The following ASPHD2 variants were observed in gnomAD, a reference collection of about 807,000 sequenced individuals.
ASPHD2 encodes aspartate beta-hydroxylase domain containing 2, also known as aspartate beta-hydroxylase domain-containing protein 2.
A neutral mutation model predicts 34.6 loss-of-function variants in ASPHD2; 12 were observed. The observed-to-expected ratio is 0.35, with a 90% CI of 0.22 to 0.56. ASPHD2 has a LOEUF of 0.56. ASPHD2 is among the 20% of genes least tolerant of loss of function. ASPHD2 has a pLI of 0.87. For synonymous variants in ASPHD2, 224 were observed against 212.2 expected, an observed-to-expected ratio of 1.06 and a Z score of -0.48; for missense variants, 375 against 505.0, an observed-to-expected ratio of 0.74 and a Z score of 2.47.
At position 26,438,488 on chromosome 22, in the gene ASPHD2, T is replaced by TACAC. The variant is rs1568983855; in HGVS notation, c.887-3970_887-3969insCACA. ...ACACACACATATATATACATATATA[T>TACAC]AGATACACACATACATATATATACA... On this transcript the variant is annotated intron_variant, in intron 2 of 3. Coordinates refer to ENST00000215906, the MANE Select transcript of ASPHD2 (RefSeq NM_020437.5). 1.9e-4 allele frequency among the ~76,000 whole-genome samples: 9 copies of TACAC among 46,590 alleles called. 1 individual carries two copies. Among genetic ancestry groups the TACAC allele is most frequent in the Middle Eastern group, 0.024 (2 of 82 alleles). 30.6% of individuals were successfully genotyped at this position (46,590 alleles called of 152,430 possible).
intron 3 of ASPHD2, among the ~76,000 whole-genome samples, chr22:26,442,846 A>G (rs1328267069): frequency 6.6e-6 from 1 of 152,164 alleles, no homozygotes; most frequent in Non-Finnish European, 1.5e-5. Flanking sequence ...CATACAGAAT[A>G]GTTTCACTGC....
Position 26,434,318 on chromosome 22 carries a change from A to G in ASPHD2, c.703A>G (p.Asn235Asp). 2.5e-6 allele frequency: 4 copies of G among 1,614,148 alleles called. No individual in the cohort carries two copies. The highest frequency in any genetic ancestry group is 3.4e-6 in the Non-Finnish European group (4 of 1,180,016). ...GGAGTGGTTCACCTTTTACTTGGTC[A>G]ATCAGGGGGTTTGTGTTCCCAGGAA... is the stretch of plus-strand genomic sequence containing the variant. ...SGEWFTFYLV[N>D]QGVCVPRNCR... Residue 235 changes from asparagine (N) to aspartate (D), a missense_variant, in exon 2 of 4, where the codon AAT becomes GAT. This residue lies in a region of ASPHD2 where 142 missense variants were observed against 217.9 expected (regional missense o/e 0.65). Transcript: ENST00000215906.
intron 3 of ASPHD2, 60 bp downstream of exon 3, chr22:26,442,632 G>C: frequency 7.2e-7 from 1 of 1,381,032 alleles, no homozygotes; most frequent in African/African-American, 1.5e-5. Flanking sequence ...TTTTTTTAGA[G>C]AAGTTTTAGG....
At chr22:26,435,004 G>T (rs2084781914) in intron 2 of ASPHD2, among the ~76,000 whole-genome samples, 1 of 152,214 alleles carries the variant, frequency 6.6e-6, no homozygotes, top group African/African-American at 2.4e-5. Context: ...CATCAAGGAT[G>T]AAATGATCCT....
Position 26,442,562 on chromosome 22 carries a change from G to C in ASPHD2, c.990G>C (p.Ala330=). ...LLFDDSFLHA[A]FHEGSAEDGP... is the part of the protein sequence containing the mutation. ...TTGATGACTCTTTCCTGCATGCTGC[G>C]TTCCATGAAGGTGAGTGGCTGCCTT... The change falls in exon 3 of 4, where the codon GCG becomes GCC. Residue 330 remains alanine, a synonymous_variant. Coordinates refer to ENST00000215906, the MANE Select transcript of ASPHD2 (RefSeq NM_020437.5). 1 of 1,604,572 alleles carries C rather than the reference G, an allele frequency of 6.2e-7. No homozygotes were observed. The highest frequency in any genetic ancestry group is 8.5e-7 in the Non-Finnish European group (1 of 1,174,186).
At chr22:26,443,061 T>C (rs2084865364) in intron 3 of ASPHD2, 36 bp from the exon 4 acceptor site, 1 of 1,538,200 alleles carries the variant, frequency 6.5e-7, no homozygotes, top group Non-Finnish European at 9.0e-7. Flanking sequence ...TCCAGGGTGG[T>C]TTGAACCTGT....
intron 2 of ASPHD2, among the ~76,000 whole-genome samples, chr22:26,438,576 T>C (rs1326993343): frequency 0.01 from 1,020 of 100,780 alleles, 21 homozygotes; most frequent in African/African-American, 0.033. Flanking sequence ...CACATACATA[T>C]ATATACATAC....
intron 3 of ASPHD2, among the ~76,000 whole-genome samples, 164 bp from the exon 4 acceptor site, chr22:26,442,933 A>T (rs1288658406): frequency 6.6e-6 from 1 of 152,004 alleles, no homozygotes; most frequent in Non-Finnish European, 1.5e-5. Context: ...CCATGAAGCC[A>T]GGTTTATGCT....
At position 26,443,258 on chromosome 22, in the gene ASPHD2, A is replaced by G. The variant is rs754040749; in HGVS notation, c.*52A>G. 18 of 1,480,738 alleles carry G rather than the reference A, an allele frequency of 1.2e-5. No homozygotes were observed. The highest frequency in any genetic ancestry group is 1.7e-5 in the Non-Finnish European group (18 of 1,058,944). 91.7% of individuals were successfully genotyped at this position (1,480,738 alleles called of 1,614,324 possible). ...AGAAGGGCCGAGGCGGGGCCTGGGC[A>G]GACTGTGGTCCGGTCCAGTCCCTAC... On this transcript the variant is annotated 3_prime_UTR_variant, in exon 4 of 4. Transcript: ENST00000215906.
intron 2 of ASPHD2, among the ~76,000 whole-genome samples, chr22:26,438,843 C>A (rs549730249): frequency 6.6e-6 from 1 of 151,930 alleles, no homozygotes; most frequent in African/African-American, 2.4e-5. Context: ...CAGGAAGCTT[C>A]GAGCACTGGA....
intron 2 of ASPHD2, among the ~76,000 whole-genome samples, chr22:26,436,572 G>C (rs903392517): frequency 6.6e-6 from 1 of 152,204 alleles, no homozygotes; most frequent in African/African-American, 2.4e-5. Flanking sequence ...GGCTGAGGTT[G>C]GACAGGTCAG....
At chr22:26,438,126 A>G (rs1030451717) in intron 2 of ASPHD2, among the ~76,000 whole-genome samples, 8 of 152,004 alleles carry the variant, frequency 5.3e-5, no homozygotes, top group African/African-American at 1.9e-4. Flanking sequence ...GAGAAAGGGG[A>G]GCTTCTTTCT....
rs13055485 is a variant in ASPHD2 at position 26,442,326 on chromosome 22, G to C, written c.887-133G>C. ...CCCACAAGCCTTCAGACCATAGCAC[G>C]GGCTCCAGAGGTGTGAGGCAGGTCA... On this transcript the variant is annotated intron_variant, in intron 2 of 3. Coordinates refer to ENST00000215906, the MANE Select transcript of ASPHD2 (RefSeq NM_020437.5). 19 of 644,198 alleles carry C rather than the reference G, an allele frequency of 2.9e-5. No individual in the cohort carries two copies. The Middle Eastern group carries it at 1.0e-3, about 35-fold the overall frequency. 39.9% of individuals were successfully genotyped at this position (644,198 alleles called of 1,614,324 possible). A position where few individuals can be genotyped will look rare whatever the true frequency, so the allele number is the denominator to read the frequency against.
chr22:26,434,161 C>G lies in ASPHD2; in HGVS notation c.546C>G (p.Asp182Glu). The G allele has an allele frequency of 2.5e-6, 4 of 1,612,444 alleles. No homozygotes were observed. Among genetic ancestry groups the G allele is most frequent in the Non-Finnish European group, 3.4e-6 (4 of 1,179,200 alleles). The change falls in exon 2 of 4, where the codon GAC (aspartate) becomes GAG (glutamate). Residue 182 changes from aspartate to glutamate, a missense_variant. Physicochemically the swap from Asp to Glu is conservative, Grantham distance 45. Coordinates refer to ENST00000215906, the MANE Select transcript of ASPHD2 (RefSeq NM_020437.5). ...CCACCACGCCCTATTTCTCCCGGGA[C>G]GCACAGAAACATGATGTGGAAGTGC... is the stretch of plus-strand genomic sequence containing the variant. ...DLPTTPYFSRDAQKHDVEVLE... is the reference protein window; with the variant it reads ...DLPTTPYFSREAQKHDVEVLE...
intron 2 of ASPHD2, among the ~76,000 whole-genome samples, chr22:26,441,438 A>G (rs2084837501): frequency 6.9e-6 from 1 of 144,498 alleles, no homozygotes; most frequent in Admixed American, 7.3e-5. Flanking sequence ...TGGTGGAGCC[A>G]CTGCATTTCA....
At chr22:26,436,419 C>A (rs919119711) in intron 2 of ASPHD2, among the ~76,000 whole-genome samples, 1 of 152,158 alleles carries the variant, frequency 6.6e-6, no homozygotes, top group Admixed American at 6.5e-5. Context: ...TGGCTGCAGA[C>A]GGGGTGCCCT....
chr22:26,442,723 G>T, intron 3 of ASPHD2, 151 bp downstream of exon 3: 2 of 617,894 alleles, frequency 3.2e-6, no homozygotes, highest in Admixed American at 3.1e-5. Flanking sequence ...CAGTATTGAT[G>T]CGTTATTATT....
rs891383750 is a variant in ASPHD2, at chr22:26,433,523, G to A, written c.-93G>A. 15 of 965,772 alleles carry A rather than the reference G, an allele frequency of 1.6e-5. No homozygotes were observed. The highest frequency in any genetic ancestry group is 1.0e-4 in the Admixed American group (4 of 39,728). 59.8% of individuals were successfully genotyped at this position (965,772 alleles called of 1,614,324 possible). On this transcript the variant is annotated 5_prime_UTR_variant, in exon 2 of 4. Transcript: ENST00000215906. The surrounding 1 kb of genome is among the most constrained non-coding windows in gnomAD (Gnocchi z 5.1). ...AGCAGTGGGCACGGCCAACCTTGTC[G>A]TTCATCAATGCCGCCCCTGGCAGTA...
rs956699971 is a variant in ASPHD2 at position 26,444,946 on chromosome 22, C to T, written c.*1740C>T. Reference sequence around the variant, plus strand: ...CAAAACCAACAGCCCGCGCAGGTACCTAGCTACCTGCATTCATGTGACATG... The same window carrying T: ...CAAAACCAACAGCCCGCGCAGGTACTTAGCTACCTGCATTCATGTGACATG... On this transcript the variant is annotated 3_prime_UTR_variant, in exon 4 of 4. Transcript: ENST00000215906. 1.3e-5 allele frequency: 2 copies of T among 152,192 alleles called. No individual in the cohort carries two copies. Among genetic ancestry groups the T allele is most frequent in the Admixed American group, 1.3e-4 (2 of 15,284 alleles). 9.4% of individuals were successfully genotyped at this position (152,192 alleles called of 1,614,324 possible). A position where few individuals can be genotyped will look rare whatever the true frequency, so the allele number is the denominator to read the frequency against.
Sources: gnomAD v4.1 joint callset for allele counts (sites outside exome capture counted in the v4.1 genomes callset) on GRCh38, gnomAD v4.1.1 for gene constraint, gnomAD v4.1.1 regional missense constraint, Gnocchi (gnomAD v3.1) non-coding constraint, MANE v1.5 for transcripts, NCBI Gene and HGNC (gene_info 2026-07-23, HGNC 2026-07-21) for gene names.